Variants in VWF observed in about 807,000 individuals in gnomAD.
The protein encoded by VWF is von Willebrand factor.
A neutral mutation model predicts 308.6 loss-of-function variants in VWF; 176 were observed. That is an observed-to-expected ratio of 0.57 (90% CI 0.50 to 0.65). The LOEUF (loss-of-function observed/expected upper bound fraction) is 0.65, where lower values mean the gene tolerates loss of function less well. Ranked by LOEUF, VWF falls within the 30% of genes least tolerant of loss-of-function variation. VWF has a pLI of 0.00. For missense variants in VWF, 3,146 were observed against 3,648.2 expected (o/e 0.86, Z 3.55); for synonymous variants, 1,385 against 1,443.4 (o/e 0.96, Z 0.92).
chr12:5,983,308 A>G, intron 40 of VWF, 54 bp from the exon 41 acceptor site: 1 of 1,549,262 alleles, frequency 6.5e-7, no homozygotes, highest in Non-Finnish European at 8.8e-7. Flanking sequence ...TTACTCTTTT[A>G]TTACCTGTGA....
chr12:6,076,095 G>C (rs565825111), intron 6 of VWF, among the ~76,000 whole-genome samples: 6 of 152,074 alleles, frequency 3.9e-5, no homozygotes, highest in African/African-American at 1.4e-4. Context: ...ACACTCCCCA[G>C]GTGATTGCTG....
At chr12:6,116,083 T>G (rs536259928) in intron 3 of VWF, among the ~76,000 whole-genome samples, 2 of 152,270 alleles carry the variant, frequency 1.3e-5, no homozygotes, top group South Asian at 4.1e-4. Flanking sequence ...GGGCATCAGA[T>G]GATGTGCAGC....
Position 6,110,413 on chromosome 12 carries a change from A to C in VWF, c.493T>G (p.Phe165Val), listed in dbSNP as rs754520488. The change falls in exon 5 of 52, where the codon TTT (phenylalanine) becomes GTT (valine). Residue 165 changes from phenylalanine (F) to valine (V), a missense_variant. By Grantham distance (50) the Phe-to-Val change is conservative (BLOSUM62 -1). This residue lies in a region of VWF where 1,304 missense variants were observed against 1,353.0 expected (regional missense o/e 0.96). Coordinates refer to ENST00000261405, the MANE Select transcript of VWF (RefSeq NM_000552.5). ...FNKTCGLCGN[F>V]NIFAEDDFMT... ...AAGTCATCTTCAGCAAAGATGTTAA[A>C]GTTGCCACACAGCCCGCAGGTCTTG... The C allele has an allele frequency of 6.2e-7, 1 of 1,614,196 alleles. No individual in the cohort carries two copies. Among genetic ancestry groups the C allele is most frequent in the Non-Finnish European group, 8.5e-7 (1 of 1,180,024 alleles).
chr12:6,109,377 A>G (rs1945279448), intron 5 of VWF, among the ~76,000 whole-genome samples: 1 of 152,194 alleles, frequency 6.6e-6, no homozygotes, highest in Non-Finnish European at 1.5e-5. Flanking sequence ...AGTGATATTT[A>G]GAGGGAAATT....
At chr12:5,982,268 C>T (rs1218930402) in intron 41 of VWF, among the ~76,000 whole-genome samples, 2 of 152,188 alleles carry the variant, frequency 1.3e-5, no homozygotes, top group Non-Finnish European at 2.9e-5. Context: ...TTCCCACATA[C>T]ATCTGGAAGG....
chr12:6,068,665 G>A (rs1317663149), intron 10 of VWF, among the ~76,000 whole-genome samples: 1 of 151,480 alleles, frequency 6.6e-6, no homozygotes, highest in South Asian at 2.1e-4. Context: ...TTTTGTTTTT[G>A]TTTTTAGTAT....
chr12:6,098,223 A>G (rs1945125745), intron 5 of VWF, among the ~76,000 whole-genome samples: 2 of 152,254 alleles, frequency 1.3e-5, no homozygotes, highest in South Asian at 4.1e-4. Flanking sequence ...TTTAACAACC[A>G]AAGACAACTA....
intron 17 of VWF, among the ~76,000 whole-genome samples, chr12:6,045,041 A>G (rs1001781256): frequency 1.8e-4 from 27 of 152,128 alleles, no homozygotes. Context: ...ACCATCTGAT[A>G]TACTACACAT....
intron 6 of VWF, among the ~76,000 whole-genome samples, chr12:6,091,289 T>A (rs113027287): frequency 1.4e-5 from 1 of 69,474 alleles, no homozygotes; most frequent in African/African-American, 5.0e-5. Flanking sequence ...TGATGGGGGG[T>A]GGGTGGGAGG....
At chr12:6,033,871 C>T (rs1944301499) in intron 20 of VWF, among the ~76,000 whole-genome samples, 1 of 152,238 alleles carries the variant, frequency 6.6e-6, no homozygotes, top group African/African-American at 2.4e-5. Flanking sequence ...GCTCCCGCCC[C>T]TCCTCCTCCT....
rs569571599 is a variant in VWF, at chr12:6,031,439, C to T, written c.2820+5G>A. On this transcript the variant is annotated splice_donor_5th_base_variant and intron_variant, in intron 21 of 51. Coordinates refer to ENST00000261405, the MANE Select transcript of VWF (RefSeq NM_000552.5). ...ACATGAGGGTGGAGATGAGGCTGCA[C>T]TTACCTCCCCGTCAAACAGCTCAAT... 2 of 1,614,186 alleles carry T rather than the reference C, an allele frequency of 1.2e-6. No individual in the cohort carries two copies. Among genetic ancestry groups the T allele is most frequent in the African/African-American group, 1.3e-5 (1 of 75,042 alleles).
chr12:6,096,842 C>T (rs1478762659), intron 5 of VWF, among the ~76,000 whole-genome samples: 1 of 152,136 alleles, frequency 6.6e-6, no homozygotes, highest in Non-Finnish European at 1.5e-5. Context: ...TTCTGCATAG[C>T]CAGGCCTGGA....
At position 6,023,724 on chromosome 12, in the gene VWF, C is replaced by T. The variant is rs748673885; in HGVS notation, c.3286G>A (p.Asp1096Asn). 8.1e-6 allele frequency: 13 copies of T among 1,613,796 alleles called. No homozygotes were observed. The highest frequency in any genetic ancestry group is 7.7e-5 in the South Asian group (7 of 90,966). ...YDTCSCESIG[D>N]CACFCDTIAA... ...ATGGTGTCGCAGAAGCAGGCGCAGT[C>T]CCCAATGGACTCACAGGAGCAGGTG... The change falls in exon 25 of 52, where the codon GAC becomes AAC. Residue 1096 changes from aspartate (D) to asparagine (N), a missense_variant. Coordinates refer to ENST00000261405, the MANE Select transcript of VWF (RefSeq NM_000552.5).
intron 40 of VWF, 139 bp from the exon 41 acceptor site, chr12:5,983,393 A>C (rs576030541): frequency 1.3e-6 from 1 of 741,252 alleles, no homozygotes; most frequent in East Asian, 2.9e-5. Flanking sequence ...CAGAGATTAC[A>C]TGGGTTAGGA....
chr12:6,001,625 T>C (rs1194783403), intron 34 of VWF, among the ~76,000 whole-genome samples: 9 of 152,148 alleles, frequency 5.9e-5, no homozygotes, highest in Admixed American at 4.6e-4. Flanking sequence ...CAAGGAGACA[T>C]TGGTAGACAA....
chr12:6,077,498 G>A (rs1036657674), intron 6 of VWF, among the ~76,000 whole-genome samples: 3 of 152,206 alleles, frequency 2.0e-5, no homozygotes, highest in Non-Finnish European at 4.4e-5. Context: ...GGGCACCCAC[G>A]GCATGGCTAT....
intron 16 of VWF, among the ~76,000 whole-genome samples, chr12:6,048,189 G>C (rs1944467335): frequency 6.6e-6 from 1 of 152,172 alleles, no homozygotes; most frequent in African/African-American, 2.4e-5. Flanking sequence ...TTTGTTTGGA[G>C]ACCAAGTCTC....
intron 42 of VWF, among the ~76,000 whole-genome samples, chr12:5,977,993 T>TG (rs1245302751): frequency 1.3e-5 from 2 of 149,124 alleles, no homozygotes; most frequent in African/African-American, 4.9e-5. Flanking sequence ...TTTTATAATT[T>TG]GGGGTTTAAA....
At chr12:6,022,574 C>T (rs1270112846) in intron 26 of VWF, among the ~76,000 whole-genome samples, 166 bp downstream of exon 26, 4 of 134,978 alleles carry the variant, frequency 3.0e-5, no homozygotes, top group Admixed American at 2.3e-4. Flanking sequence ...AGAAAAATCA[C>T]GACTGTCCTG....
Sources: allele counts gnomAD v4.1 joint callset (sites outside exome capture counted in the v4.1 genomes callset), GRCh38; gene constraint gnomAD v4.1.1; regional missense constraint gnomAD v4.1.1; transcripts MANE v1.5; gene names NCBI Gene and HGNC (gene_info 2026-07-23, HGNC 2026-07-21).